CUX2: variants seen among roughly 807,000 people sequenced by gnomAD.
CUX2 encodes cut like homeobox 2, also known as homeobox protein cut-like 2.
In CUX2, 40 loss-of-function variants were observed where a neutral mutation model predicts 144.8. That is an observed-to-expected ratio of 0.28 (90% CI 0.21 to 0.36). The LOEUF (loss-of-function observed/expected upper bound fraction) is 0.36. Among genes scored for constraint, CUX2 ranks in the 10% least tolerant of loss-of-function variants. The probability of loss-of-function intolerance (pLI) is 1.00; values close to 1 mark genes in which losing one functional copy is unlikely to be tolerated. For synonymous variants in CUX2, 827 were observed against 875.6 expected (o/e 0.94, Z 0.98); for missense variants, 1,615 against 1,994.0 (o/e 0.81, Z 3.62).
rs1335486127 is a variant in CUX2 at position 111,034,352 on chromosome 12, G to A, written c.63+112G>A. 7.3e-6 allele frequency: 3 copies of A among 413,490 alleles called. No homozygotes were observed. The highest frequency in any genetic ancestry group is 2.2e-5 in the African/African-American group (1 of 45,912). 25.6% of individuals were successfully genotyped at this position (413,490 alleles called of 1,614,324 possible). On this transcript the variant is annotated intron_variant, in intron 1 of 21. Coordinates refer to ENST00000261726, the MANE Select transcript of CUX2 (RefSeq NM_015267.4). The surrounding 1 kb of genome is among the most constrained non-coding windows in gnomAD (Gnocchi z 4.2). The stretch of plus-strand genomic sequence containing the variant: ...CGGACGCCCTGGGGCGGCGGGCGGC[G>A]GCTGCCGGGGCTCGCCGGGGCTCGG...
At chr12:111,254,410 T>G (rs1447263109) in intron 3 of CUX2, among the ~76,000 whole-genome samples, 1 of 152,212 alleles carries the variant, frequency 6.6e-6, no homozygotes, top group Non-Finnish European at 1.5e-5. Context: ...CATTGCAGGT[T>G]GAGGCATAGA....
At chr12:111,328,568 C>T (rs927446496) in intron 18 of CUX2, among the ~76,000 whole-genome samples, 2 of 143,514 alleles carry the variant, frequency 1.4e-5, no homozygotes, top group South Asian at 2.3e-4. Flanking sequence ...TGTCTCTCTC[C>T]TCCAATTTCT....
intron 1 of CUX2, among the ~76,000 whole-genome samples, chr12:111,212,409 G>A (rs1881284192): frequency 6.6e-6 from 1 of 152,166 alleles, no homozygotes; most frequent in Non-Finnish European, 1.5e-5. Context: ...CCAAAATAGA[G>A]ACAGGGTCTC....
At chr12:111,047,851 G>A (rs1006736660) in intron 1 of CUX2, among the ~76,000 whole-genome samples, 1 of 152,204 alleles carries the variant, frequency 6.6e-6, no homozygotes, top group Non-Finnish European at 1.5e-5. Context: ...TGGAGGGGCC[G>A]CCTGTTTATT....
At chr12:111,132,068 G>C (rs1296911548) in intron 1 of CUX2, among the ~76,000 whole-genome samples, 7 of 152,200 alleles carry the variant, frequency 4.6e-5, no homozygotes, top group Non-Finnish European at 1.0e-4. Context: ...CACCCCTGCA[G>C]CAAACTTTTG....
At chr12:111,054,103 G>A (rs1413935354) in intron 1 of CUX2, among the ~76,000 whole-genome samples, 5 of 152,172 alleles carry the variant, frequency 3.3e-5, no homozygotes, top group African/African-American at 9.7e-5. Flanking sequence ...GCAATGAACC[G>A]AGATCGCGCC....
intron 1 of CUX2, among the ~76,000 whole-genome samples, chr12:111,106,432 C>A (rs1209021387): frequency 6.6e-6 from 1 of 151,822 alleles, no homozygotes; most frequent in Non-Finnish European, 1.5e-5. Context: ...GCTGGGATTA[C>A]AGGCATGAGC....
At chr12:111,191,580 C>A (rs1784698364) in intron 1 of CUX2, among the ~76,000 whole-genome samples, 1 of 152,160 alleles carries the variant, frequency 6.6e-6, no homozygotes, top group African/African-American at 2.4e-5. Flanking sequence ...CCTACCTTGG[C>A]CCCCCAAAGT....
chr12:111,045,059 G>A (rs1355152780), intron 1 of CUX2, among the ~76,000 whole-genome samples: 1 of 152,242 alleles, frequency 6.6e-6, no homozygotes, highest in Non-Finnish European at 1.5e-5. Context: ...CAGCCTGTGA[G>A]ATGGCTGTCA....
At position 111,304,205 on chromosome 12, in the gene CUX2, C is replaced by T. The variant is rs1270284322; in HGVS notation, c.754-5C>T. ...CTCTCGCCCACACTGTCCCCTTCTCCCCAGCGAGCTGAGGCTGCCCAGCGG... is the reference window on the plus strand; with the variant it reads ...CTCTCGCCCACACTGTCCCCTTCTCTCCAGCGAGCTGAGGCTGCCCAGCGG... On this transcript the variant is annotated splice_polypyrimidine_tract_variant and splice_region_variant and intron_variant, in intron 9 of 21. Coordinates refer to ENST00000261726, the MANE Select transcript of CUX2 (RefSeq NM_015267.4). The surrounding 1 kb of genome is among the most constrained non-coding windows in gnomAD (Gnocchi z 4.7). 6.2e-7 allele frequency: 1 copy of T among 1,611,070 alleles called. No individual in the cohort carries two copies. The highest frequency in any genetic ancestry group is 2.2e-5 in the East Asian group (1 of 44,860).
intron 1 of CUX2, among the ~76,000 whole-genome samples, chr12:111,082,971 T>G (rs934531711): frequency 1.3e-5 from 2 of 152,116 alleles, no homozygotes; most frequent in African/African-American, 4.8e-5. Context: ...GGAAAGAGTC[T>G]TCTATCACAG....
chr12:111,301,032 C>CTG (rs1886264070), intron 9 of CUX2, among the ~76,000 whole-genome samples: 1 of 123,102 alleles, frequency 8.1e-6, no homozygotes, highest in Non-Finnish European at 1.5e-5. Context: ...GAGTGAGACC[C>CTG]TATCTCAAAA....
chr12:111,251,221 G>A (rs1433665961), intron 3 of CUX2, among the ~76,000 whole-genome samples: 1 of 152,090 alleles, frequency 6.6e-6, no homozygotes, highest in Non-Finnish European at 1.5e-5. Flanking sequence ...TCAGGTAGCT[G>A]GTGAATTACA....
At position 111,246,600 on chromosome 12, in the gene CUX2, C is replaced by T. The variant is rs1404033745; in HGVS notation, c.223-17161C>T. On this transcript the variant is annotated intron_variant, in intron 3 of 21. Coordinates refer to ENST00000261726, the MANE Select transcript of CUX2 (RefSeq NM_015267.4). This position sits in a 1 kb window ranked among gnomAD's most constrained non-coding sequence, Gnocchi z 4.0. ...CTCCGGATTCTTAAAGATTGGCTAA[C>T]ATCAATCATTTTTAAAACCTGAGCA... Among the ~76,000 whole-genome samples the T allele has an allele frequency of 6.6e-6, 1 of 152,190 alleles. No individual in the cohort carries two copies. Among genetic ancestry groups the T allele is most frequent in the Non-Finnish European group, 1.5e-5 (1 of 68,032 alleles).
At chr12:111,285,619 A>G (rs1161178646) in intron 4 of CUX2, among the ~76,000 whole-genome samples, 1 of 152,172 alleles carries the variant, frequency 6.6e-6, no homozygotes, top group Non-Finnish European at 1.5e-5. Context: ...CATTCTGCCA[A>G]GCAGGGCCAG....
At chr12:111,042,040 A>G (rs1410487430) in intron 1 of CUX2, among the ~76,000 whole-genome samples, 1 of 152,202 alleles carries the variant, frequency 6.6e-6, no homozygotes, top group Non-Finnish European at 1.5e-5. Flanking sequence ...CCAATGAAAC[A>G]GCAGTTCCAG....
chr12:111,038,468 A>G (rs1176045868), intron 1 of CUX2, among the ~76,000 whole-genome samples: 1 of 152,254 alleles, frequency 6.6e-6, no homozygotes, highest in African/African-American at 2.4e-5. Flanking sequence ...AGGGGTTGGC[A>G]TTAGGTGAAG....
At position 111,350,430 on chromosome 12, in the gene CUX2, C is replaced by T. The variant is rs78091273; in HGVS notation, c.*2105C>T. The T allele has an allele frequency of 4.8e-3, 737 of 152,400 alleles. 4 individuals carry two copies. The highest frequency in any genetic ancestry group is 6.6e-3 in the Non-Finnish European group (448 of 68,008). The allele number at this position is 152,400 out of a possible 1,614,324, so 9.4% of individuals were successfully genotyped here. ...ACTTTGTCAGGTTCACGTCCTATAACGGTTAAAAAACACACACACACATAC... is the reference window on the plus strand; with the variant it reads ...ACTTTGTCAGGTTCACGTCCTATAATGGTTAAAAAACACACACACACATAC... On this transcript the variant is annotated 3_prime_UTR_variant, in exon 22 of 22. Coordinates refer to ENST00000261726, the MANE Select transcript of CUX2 (RefSeq NM_015267.4).
chr12:111,055,799 G>A (rs932338251), intron 1 of CUX2, among the ~76,000 whole-genome samples: 4 of 152,234 alleles, frequency 2.6e-5, no homozygotes, highest in African/African-American at 9.6e-5. Flanking sequence ...AGGTAAGTAG[G>A]CTTGAGCCAG....
Sources: allele counts gnomAD v4.1 joint callset (sites outside exome capture counted in the v4.1 genomes callset), GRCh38; gene constraint gnomAD v4.1.1; non-coding constraint Gnocchi (gnomAD v3.1); transcripts MANE v1.5; gene names NCBI Gene and HGNC (gene_info 2026-07-23, HGNC 2026-07-21).